Variants in ACACB observed in about 807,000 individuals in gnomAD.
ACACB encodes the protein acetyl-CoA carboxylase 2.
A neutral mutation model predicts 278.8 loss-of-function variants in ACACB; 209 were observed. The observed-to-expected ratio is 0.75, with a 90% CI of 0.67 to 0.84. ACACB has a LOEUF of 0.84. ACACB is among the 40% of genes least tolerant of loss of function. ACACB has a pLI of 0.00. For missense variants in ACACB, 2,850 were observed against 3,269.0 expected (o/e 0.87, Z 3.13); for synonymous variants, 1,174 against 1,285.6 (o/e 0.91, Z 1.86).
chr12:109,259,084 AG>A lies in ACACB; in HGVS notation c.6477del (p.Phe2160SerfsTer5), dbSNP rs2047309718. 6.2e-7 allele frequency: 1 copy of A among 1,613,994 alleles called. No homozygotes were observed. Among genetic ancestry groups the A allele is most frequent in the Non-Finnish European group, 8.5e-7 (1 of 1,180,000 alleles). ...GCCCCTGATGATCTTTGCCAACTGG[AG>A]GGGGTTCTCCGGTGGCATGAAAGGT... Reference protein sequence around the residue: ...KLPLMIFANWRGFSGGMKDMY... With the variant: ...KLPLMIFANWXGFSGGMKDMY... On this transcript the variant is annotated frameshift_variant, in exon 47 of 53. Transcript: ENST00000338432. LOFTEE classifies it high-confidence loss of function.
At chr12:109,154,249 C>T (rs1414464488) in intron 2 of ACACB, among the ~76,000 whole-genome samples, 7 of 152,220 alleles carry the variant, frequency 4.6e-5, no homozygotes, top group Non-Finnish European at 7.3e-5. Flanking sequence ...TAGAAGCACA[C>T]TGGGTGATTG....
chr12:109,165,260 A>T (rs1350823779), intron 2 of ACACB, among the ~76,000 whole-genome samples: 1 of 152,206 alleles, frequency 6.6e-6, no homozygotes, highest in African/African-American at 2.4e-5. Flanking sequence ...ATGGTGATGT[A>T]GGGGCCTAGA....
chr12:109,201,397 G>A (rs1424075129), intron 18 of ACACB, among the ~76,000 whole-genome samples, 170 bp from the exon 19 acceptor site: 1 of 152,136 alleles, frequency 6.6e-6, no homozygotes. Flanking sequence ...CAGGCTTCCA[G>A]TAAAGGTCAC....
chr12:109,210,077 A>G (rs530676956), intron 21 of ACACB, among the ~76,000 whole-genome samples: 2,378 of 128,144 alleles, frequency 0.019, 462 homozygotes, highest in Admixed American at 0.17. Context: ...ATATGTGTAT[A>G]TATGTATATA....
At chr12:109,154,495 TA>T (rs1223603674) in intron 2 of ACACB, among the ~76,000 whole-genome samples, 1 of 152,088 alleles carries the variant, frequency 6.6e-6, no homozygotes, top group Non-Finnish European at 1.5e-5. Flanking sequence ...AGAGAGGCTT[TA>T]AAAATATATA....
chr12:109,262,568 T>C, intron 49 of ACACB, 99 bp downstream of exon 49: 2 of 655,552 alleles, frequency 3.1e-6, no homozygotes, highest in African/African-American at 1.8e-5. Flanking sequence ...AATGAAAAAA[T>C]ACCAAAATAC....
At chr12:109,242,770 T>G in intron 37 of ACACB, 178 bp downstream of exon 37, 1 of 684,754 alleles carries the variant, frequency 1.5e-6, no homozygotes, top group South Asian at 2.3e-5. Flanking sequence ...GGAGGATTGC[T>G]TGAGCCCAGG....
chr12:109,210,256 T>TATCTGC (rs1565927523), intron 21 of ACACB, among the ~76,000 whole-genome samples: 2 of 6,704 alleles, frequency 3.0e-4, no homozygotes, highest in Non-Finnish European at 7.4e-4. Flanking sequence ...TATACACACA[T>TATCTGC]GTGTGTATAT....
intron 41 of ACACB, among the ~76,000 whole-genome samples, chr12:109,251,329 A>T (rs994744155): frequency 6.6e-6 from 1 of 152,192 alleles, no homozygotes; most frequent in Non-Finnish European, 1.5e-5. Flanking sequence ...TGCCCTGCTC[A>T]TGTCTGCTTA....
At chr12:109,201,188 T>G (rs1259139165) in intron 18 of ACACB, among the ~76,000 whole-genome samples, 1 of 152,266 alleles carries the variant, frequency 6.6e-6, no homozygotes, top group African/African-American at 2.4e-5. Flanking sequence ...TAAAACAAAC[T>G]GTTCACAAAA....
In ACACB at chr12:109,216,844, A is replaced by C. The variant is rs761635431; in HGVS notation, c.3488A>C (p.Asp1163Ala). 2.9e-5 allele frequency: 47 copies of C among 1,613,984 alleles called. No individual in the cohort carries two copies. Among genetic ancestry groups the C allele is most frequent in the Non-Finnish European group, 3.7e-5 (44 of 1,180,032 alleles). Residue 1163 changes from aspartate (D) to alanine (A), a missense_variant, in exon 24 of 53, where the codon GAC becomes GCC. This residue lies in a region of ACACB where 2,265 missense variants were observed against 2,561.3 expected (regional missense o/e 0.88). Coordinates refer to ENST00000338432, the MANE Select transcript of ACACB (RefSeq NM_001093.4). Reference protein sequence around the residue: ...VINLREQFKPDMSQVLDCIFS... With the variant: ...VINLREQFKPAMSQVLDCIFS... Reference sequence around the variant, plus strand: ...AACCTCAGGGAGCAGTTCAAGCCAGACATGTCCCAGGTGCTGGACTGCATC... The same window carrying C: ...AACCTCAGGGAGCAGTTCAAGCCAGCCATGTCCCAGGTGCTGGACTGCATC...
At chr12:109,213,072 T>G in intron 22 of ACACB, 136 bp downstream of exon 22, 1 of 668,066 alleles carries the variant, frequency 1.5e-6, no homozygotes, top group Non-Finnish European at 2.6e-6. Flanking sequence ...GCAGTGCCAT[T>G]ACTAACAGCA....
chr12:109,198,251 A>C (rs1279997454), intron 17 of ACACB, among the ~76,000 whole-genome samples: 1 of 152,122 alleles, frequency 6.6e-6, no homozygotes, highest in African/African-American at 2.4e-5. Flanking sequence ...CAGGATTACT[A>C]TAGGTTCTAC....
chr12:109,172,164 C>A, intron 5 of ACACB, 111 bp from the exon 6 acceptor site: 1 of 1,025,464 alleles, frequency 9.8e-7, no homozygotes, highest in Non-Finnish European at 1.5e-6. Context: ...TCAAGTGATC[C>A]TCCTGCCTTG....
chr12:109,171,968 A>C (rs763097280), intron 5 of ACACB, 54 bp downstream of exon 5: 300 of 1,432,550 alleles, frequency 2.1e-4, no homozygotes, highest in Non-Finnish European at 2.8e-4. Flanking sequence ...TGATGCCCCT[A>C]GGTTCTAGTT....
At chr12:109,149,597 G>T (rs944101758) in intron 2 of ACACB, among the ~76,000 whole-genome samples, 3 of 152,160 alleles carry the variant, frequency 2.0e-5, no homozygotes, top group African/African-American at 4.8e-5. Context: ...TAAGGAAATT[G>T]TTAATTTAGA....
rs1370642556 is a variant in ACACB at position 109,222,569 on chromosome 12, C to T, written c.3627C>T (p.Leu1209=). The T allele has an allele frequency of 2.5e-6, 4 of 1,614,086 alleles. No individual in the cohort carries two copies. Among genetic ancestry groups the T allele is most frequent in the Non-Finnish European group, 3.4e-6 (4 of 1,180,046 alleles). ...SDELISILNE[L]TQLSKSEHCK... ...AGCTGATCTCCATCCTCAACGAGCTCACTCAGCTGAGCAAAAGCGAGCACT... is the reference window on the plus strand; with the variant it reads ...AGCTGATCTCCATCCTCAACGAGCTTACTCAGCTGAGCAAAAGCGAGCACT... The change falls in exon 25 of 53, where the codon CTC becomes CTT. Residue 1209 remains leucine, a synonymous_variant. Transcript: ENST00000338432.
chr12:109,152,605 G>A (rs1278931560), intron 2 of ACACB, among the ~76,000 whole-genome samples: 4 of 150,262 alleles, frequency 2.7e-5, no homozygotes, highest in Non-Finnish European at 4.4e-5. Context: ...CCCCCGGGAA[G>A]TGTGGCCCTG....
intron 49 of ACACB, chr12:109,262,992 T>G (rs2047424714): frequency 1.8e-5 from 1 of 56,854 alleles, no homozygotes; most frequent in African/African-American, 3.9e-5. Flanking sequence ...ATTGCCATCG[T>G]GAATTTATTT....
Sources: allele counts gnomAD v4.1 joint callset (sites outside exome capture counted in the v4.1 genomes callset), GRCh38; gene constraint gnomAD v4.1.1; regional missense constraint gnomAD v4.1.1; transcripts MANE v1.5; gene names NCBI Gene and HGNC (gene_info 2026-07-23, HGNC 2026-07-21).